UBE4B: variants seen among roughly 807,000 people sequenced by gnomAD.
UBE4B encodes the protein ubiquitination factor E4B.
A neutral mutation model predicts 148.1 loss-of-function variants in UBE4B; 27 were observed. The observed-to-expected ratio is 0.18, with a 90% CI of 0.13 to 0.25. UBE4B has a LOEUF of 0.25. UBE4B is among the 10% of genes least tolerant of loss of function. The pLI is 1.00. For synonymous variants in UBE4B, 596 were observed against 619.3 expected, an observed-to-expected ratio of 0.96 and a Z score of 0.56; for missense variants, 1,170 against 1,662.4, an observed-to-expected ratio of 0.70 and a Z score of 5.15.
intron 2 of UBE4B, among the ~76,000 whole-genome samples, chr1:10,090,658 G>A (rs1308323199): frequency 6.6e-5 from 10 of 152,116 alleles, no homozygotes; most frequent in African/African-American, 1.7e-4. Flanking sequence ...TTGATCAAGC[G>A]ATCCTCTTGC....
intron 17 of UBE4B, among the ~76,000 whole-genome samples, chr1:10,139,149 A>G (rs143629080): frequency 0.014 from 2,199 of 152,322 alleles, 47 homozygotes; most frequent in South Asian, 0.082. Context: ...TAATCCCAAC[A>G]CTTTGGGAGG....
chr1:10,108,334 C>T (rs1313650240), intron 7 of UBE4B, among the ~76,000 whole-genome samples: 1 of 152,138 alleles, frequency 6.6e-6, no homozygotes, highest in Non-Finnish European at 1.5e-5. Flanking sequence ...ACCTCCTGGA[C>T]CTCAGTGAAG....
chr1:10,077,235 C>G (rs144238509), intron 2 of UBE4B, among the ~76,000 whole-genome samples: 1 of 152,126 alleles, frequency 6.6e-6, no homozygotes, highest in Non-Finnish European at 1.5e-5. Flanking sequence ...TTCTGCCTTC[C>G]GATAGTTGCT....
chr1:10,093,915 G>C (rs540403714), intron 2 of UBE4B, among the ~76,000 whole-genome samples: 1 of 152,062 alleles, frequency 6.6e-6, no homozygotes, highest in African/African-American at 2.4e-5. Context: ...TGCTGGTCTC[G>C]AACTCCTGAC....
rs142247248 is a variant in UBE4B, at chr1:10,053,024, C to T, written c.25-19004C>T. Among the ~76,000 whole-genome samples, 80 of 152,230 alleles carry T rather than the reference C, an allele frequency of 5.3e-4. No homozygotes were observed. The East Asian group carries it at 8.9e-3, about 17-fold the overall frequency. On this transcript the variant is annotated intron_variant, in intron 1 of 27. Coordinates refer to ENST00000343090, the MANE Select transcript of UBE4B (RefSeq NM_001105562.3). ...TTAATCCGCAGGTCATCAGGGGTTC[C>T]GCCCTCAGGACCTCATCACATCCCA...
intron 1 of UBE4B, among the ~76,000 whole-genome samples, chr1:10,067,853 G>T (rs1156745361): frequency 1.4e-5 from 2 of 146,526 alleles, no homozygotes; most frequent in African/African-American, 2.5e-5. Flanking sequence ...TCAGCTTCCC[G>T]AGTAGCTTGG....
chr1:10,084,887 T>C (rs558438809), intron 2 of UBE4B, among the ~76,000 whole-genome samples: 2 of 151,618 alleles, frequency 1.3e-5, no homozygotes, highest in East Asian at 3.9e-4. Context: ...TATTTTTAGT[T>C]GAGACAGGGT....
At chr1:10,133,054 GAAGGGGGCAGCCAGGAACAGACCC>G (rs562566037) in intron 15 of UBE4B, among the ~76,000 whole-genome samples, 2,620 of 152,228 alleles carry the variant, frequency 0.017, 35 homozygotes, top group Non-Finnish European at 0.027. Flanking sequence ...GACCAAAACA[GAAGGGGGCAGCCAGGAACAGACCC>G]AAGGGGGCAG....
rs774885904 is a variant in UBE4B at position 10,090,629 on chromosome 1, T to C, written c.212-4832T>C. On this transcript the variant is annotated intron_variant, in intron 2 of 27. Transcript: ENST00000343090. The stretch of plus-strand genomic sequence containing the variant: ...ATATGTTGTAGAGATGATGTCTCAC[T>C]ATGTTGTTTAAGCTGGTCTTGATCA... Among the ~76,000 whole-genome samples the C allele has an allele frequency of 3.2e-4, 48 of 152,290 alleles. 1 individual carries two copies. Among genetic ancestry groups the C allele is most frequent in the Admixed American group, 5.2e-4 (8 of 15,288 alleles).
At chr1:10,055,214 A>G (rs1024697279) in intron 1 of UBE4B, among the ~76,000 whole-genome samples, 2 of 152,198 alleles carry the variant, frequency 1.3e-5, no homozygotes, top group African/African-American at 2.4e-5. Flanking sequence ...GAGAATTTTA[A>G]TGAATGCCAA....
Position 10,129,401 on chromosome 1 carries a change from G to A in UBE4B, c.1648G>A (p.Glu550Lys). The change falls in exon 12 of 28, where the codon GAG becomes AAG. Residue 550 changes from glutamate (E) to lysine (K), a missense_variant. Coordinates refer to ENST00000343090, the MANE Select transcript of UBE4B (RefSeq NM_001105562.3). ...CTGATCTTATTTCTAGGCACTAGGT[G>A]AGCTCTGTGAAACCAAGTTTGGGAA... ...YFKYPLMALGELCETKFGKTH... is the reference protein window; with the variant it reads ...YFKYPLMALGKLCETKFGKTH... 6.2e-7 allele frequency: 1 copy of A among 1,612,148 alleles called. No individual in the cohort carries two copies.
At chr1:10,135,574 T>C (rs1287141824) in intron 16 of UBE4B, among the ~76,000 whole-genome samples, 2 of 151,832 alleles carry the variant, frequency 1.3e-5, no homozygotes, top group Non-Finnish European at 2.9e-5. Context: ...CCATCTCTAC[T>C]AAAAATACAA....
intron 9 of UBE4B, 85 bp from the exon 10 acceptor site, chr1:10,121,877 T>C (rs2101924010): frequency 2.5e-6 from 2 of 799,924 alleles, no homozygotes; most frequent in Middle Eastern, 3.7e-4. Flanking sequence ...GACTTTTGAC[T>C]GGGCAGTTGT....
intron 21 of UBE4B, among the ~76,000 whole-genome samples, chr1:10,156,849 A>C (rs1414799142): frequency 3.3e-5 from 5 of 152,252 alleles, no homozygotes; most frequent in African/African-American, 4.8e-5. Context: ...GTCACACACA[A>C]AAAAATGTGT....
At chr1:10,069,997 C>T (rs949030052) in intron 1 of UBE4B, among the ~76,000 whole-genome samples, 5 of 151,962 alleles carry the variant, frequency 3.3e-5, no homozygotes, top group Admixed American at 3.3e-4. Flanking sequence ...AAACTTGGCC[C>T]GGCATGGTGG....
intron 14 of UBE4B, among the ~76,000 whole-genome samples, chr1:10,131,767 A>T (rs993827069): frequency 2.0e-5 from 3 of 152,148 alleles, no homozygotes; most frequent in African/African-American, 7.2e-5. Flanking sequence ...CCTGACCAAC[A>T]TGGTGAAACC....
At chr1:10,055,228 G>A (rs1644140926) in intron 1 of UBE4B, among the ~76,000 whole-genome samples, 1 of 152,130 alleles carries the variant, frequency 6.6e-6, no homozygotes, top group South Asian at 2.1e-4. Flanking sequence ...ATGCCAATTG[G>A]AACAAATGCT....
rs758253528 is a variant in UBE4B, at chr1:10,144,905, TTTTCTTTCATTTGACTGTTAGTC to T, written c.2364-31_2364-9del. On this transcript the variant is annotated splice_polypyrimidine_tract_variant and intron_variant, in intron 17 of 27. Transcript: ENST00000343090. ...TGAATGGGTAAGATGGATCCGGCTG[TTTTCTTTCATTTGACTGTTAGTC>T]TTTGATTTCAGAACTGTAGAAGATT... 1 of 1,538,484 alleles carries T rather than the reference TTTTCTTTCATTTGACTGTTAGTC, an allele frequency of 6.5e-7. No individual in the cohort carries two copies.
intron 22 of UBE4B, among the ~76,000 whole-genome samples, chr1:10,159,806 A>G (rs1017900482): frequency 6.6e-6 from 1 of 152,262 alleles, no homozygotes; most frequent in African/African-American, 2.4e-5. Context: ...ATAATATACA[A>G]ATTACCAGTG....
Sources: allele counts gnomAD v4.1 joint callset (sites outside exome capture counted in the v4.1 genomes callset), GRCh38; gene constraint gnomAD v4.1.1; transcripts MANE v1.5; gene names NCBI Gene and HGNC (gene_info 2026-07-23, HGNC 2026-07-21).